PRKG1: variants seen among roughly 807,000 people sequenced by gnomAD.
The protein encoded by PRKG1 is cGMP-dependent protein kinase 1.
In PRKG1, 35 loss-of-function variants were observed where a neutral mutation model predicts 88.1. The observed-to-expected ratio is 0.40, with a 90% CI of 0.30 to 0.53. PRKG1 has a LOEUF of 0.53. Among genes scored for constraint, PRKG1 ranks in the 20% least tolerant of loss-of-function variants. PRKG1 has a pLI of 0.59. For synonymous variants in PRKG1, 303 were observed against 292.5 expected, an observed-to-expected ratio of 1.04 and a Z score of -0.37; for missense variants, 540 against 839.8, an observed-to-expected ratio of 0.64 and a Z score of 4.41.
chr10:51,209,529 T>C (rs970679302), intron 2 of PRKG1, among the ~76,000 whole-genome samples: 2 of 152,196 alleles, frequency 1.3e-5, no homozygotes, highest in African/African-American at 2.4e-5. Context: ...CTATTTTCTT[T>C]CTTGTTTTAG....
Position 51,239,061 on chromosome 10 carries a change from ATAAC to A in PRKG1, c.478+85734_478+85737del, listed in dbSNP as rs146925129. On this transcript the variant is annotated intron_variant, in intron 2 of 17. Transcript: ENST00000373980. Reference sequence around the variant, plus strand: ...CAACTAAAAAAAATCTTTTTGGAAAATAACTATGATTTTGAAAACATGCTAAATA... The same window carrying A: ...CAACTAAAAAAAATCTTTTTGGAAAATATGATTTTGAAAACATGCTAAATA... Among the ~76,000 whole-genome samples, 863 of 152,254 alleles carry A rather than the reference ATAAC, an allele frequency of 5.7e-3. 3 individuals carry two copies. Among genetic ancestry groups the A allele is most frequent in the African/African-American group, 0.02 (817 of 41,568 alleles).
intron 16 of PRKG1, among the ~76,000 whole-genome samples, 175 bp from the exon 17 acceptor site, chr10:52,290,049 A>G (rs1842205156): frequency 6.6e-6 from 1 of 152,232 alleles, no homozygotes; most frequent in South Asian, 2.1e-4. Flanking sequence ...TTTTAAAAAT[A>G]TGTATTTCAT....
At chr10:52,125,388 T>G (rs1318456660) in intron 7 of PRKG1, among the ~76,000 whole-genome samples, 2 of 152,218 alleles carry the variant, frequency 1.3e-5, no homozygotes, top group African/African-American at 4.8e-5. Flanking sequence ...GGGTCTTAAT[T>G]TCTAATGTCC....
At chr10:51,525,711 A>G (rs182925853) in intron 3 of PRKG1, among the ~76,000 whole-genome samples, 8,690 of 129,804 alleles carry the variant, frequency 0.067, 386 homozygotes, top group Middle Eastern at 0.14. Context: ...AAATAAAAAG[A>G]AAAAAAAGAA....
At chr10:52,161,799 G>A in intron 8 of PRKG1, 90 bp from the exon 9 acceptor site, 2 of 1,064,716 alleles carry the variant, frequency 1.9e-6, no homozygotes, top group Middle Eastern at 2.1e-4. Context: ...TTCTTTAGAT[G>A]TCTTTAGATT....
intron 3 of PRKG1, among the ~76,000 whole-genome samples, chr10:51,796,785 C>T (rs1161297552): frequency 1.3e-5 from 2 of 152,120 alleles, no homozygotes; most frequent in African/African-American, 4.8e-5. Context: ...ATCATTCCTT[C>T]TGCTGAAGAC....
chr10:51,052,019 C>T (rs550461447), intron 1 of PRKG1, among the ~76,000 whole-genome samples: 2 of 152,074 alleles, frequency 1.3e-5, no homozygotes, highest in South Asian at 2.1e-4. Flanking sequence ...AGATAAAGGA[C>T]TTATTGAATT....
intron 3 of PRKG1, among the ~76,000 whole-genome samples, chr10:51,542,855 G>T (rs537296912): frequency 3.3e-5 from 5 of 152,100 alleles, no homozygotes; most frequent in Admixed American, 2.0e-4. Context: ...CTCTTACCAC[G>T]TCTATAATAA....
chr10:51,248,443 G>A lies in PRKG1; in HGVS notation c.478+95113G>A, dbSNP rs142409307. 2.5e-3 allele frequency among the ~76,000 whole-genome samples: 386 copies of A among 151,856 alleles called. 2 individuals are homozygous for A. Among genetic ancestry groups the A allele is most frequent in the African/African-American group, 8.8e-3 (367 of 41,490 alleles). On this transcript the variant is annotated intron_variant, in intron 2 of 17. Transcript: ENST00000373980. ...TCTTTTAGACCTGCAATTCAAAATG[G>A]TCTGTGCATTTGTAACCATGATATT...
intron 8 of PRKG1, among the ~76,000 whole-genome samples, chr10:52,149,725 T>C (rs1265317835): frequency 6.6e-6 from 1 of 152,180 alleles, no homozygotes; most frequent in Non-Finnish European, 1.5e-5. Context: ...TTCTGTTCTT[T>C]AAGCCACCCA....
chr10:51,388,608 GA>G (rs1006189715), intron 2 of PRKG1, among the ~76,000 whole-genome samples: 2 of 151,476 alleles, frequency 1.3e-5, no homozygotes, highest in East Asian at 1.9e-4. Context: ...GTCATGTGAG[GA>G]AAAAAAAATT....
intron 4 of PRKG1, among the ~76,000 whole-genome samples, chr10:51,906,291 A>C (rs760812267): frequency 6.6e-5 from 10 of 152,186 alleles, no homozygotes; most frequent in Admixed American, 1.3e-4. Flanking sequence ...AAAAAGAGTC[A>C]AACTCTGTAA....
intron 2 of PRKG1, among the ~76,000 whole-genome samples, chr10:51,166,283 C>T (rs1386637842): frequency 6.6e-6 from 1 of 151,520 alleles, no homozygotes; most frequent in Non-Finnish European, 1.5e-5. Context: ...TTGACTCATC[C>T]TTTTGGAAAT....
intron 2 of PRKG1, among the ~76,000 whole-genome samples, chr10:51,275,807 A>T (rs1037161835): frequency 6.6e-6 from 1 of 152,158 alleles, no homozygotes; most frequent in Non-Finnish European, 1.5e-5. Flanking sequence ...TCTTGGGTTG[A>T]CTGGGATATA....
At chr10:51,698,962 A>G in intron 3 of PRKG1, 1 of 1,614,242 alleles carries the variant, frequency 6.2e-7, no homozygotes, top group Non-Finnish European at 8.5e-7. Context: ...GTGGTGTGAC[A>G]TGTATCTTCC....
chr10:51,556,966 G>C (rs1044114413), intron 3 of PRKG1, among the ~76,000 whole-genome samples: 29 of 151,650 alleles, frequency 1.9e-4, no homozygotes, highest in African/African-American at 6.8e-4. Flanking sequence ...ATTTAAATCT[G>C]TTTTCTTTCT....
intron 2 of PRKG1, among the ~76,000 whole-genome samples, chr10:51,170,557 G>A (rs1846677252): frequency 6.6e-6 from 1 of 151,846 alleles, no homozygotes; most frequent in Admixed American, 6.6e-5. Flanking sequence ...GCTATGTTCT[G>A]TAAGGTGCTC....
At chr10:52,242,572 C>T (rs1840894871) in intron 9 of PRKG1, among the ~76,000 whole-genome samples, 1 of 152,042 alleles carries the variant, frequency 6.6e-6, no homozygotes, top group Middle Eastern at 3.2e-3. Context: ...TCTTTTCTGG[C>T]CAGTTCTTTA....
chr10:51,670,595 G>A (rs1589180038), intron 3 of PRKG1, among the ~76,000 whole-genome samples: 1 of 149,020 alleles, frequency 6.7e-6, no homozygotes, highest in African/African-American at 2.4e-5. Flanking sequence ...AATTAGCCGG[G>A]CGTAGTGGCG....
Sources: gnomAD v4.1 joint callset for allele counts (sites outside exome capture counted in the v4.1 genomes callset) on GRCh38, gnomAD v4.1.1 for gene constraint, MANE v1.5 for transcripts, NCBI Gene and HGNC (gene_info 2026-07-23, HGNC 2026-07-21) for gene names.